Variants in SPATS2 observed in about 807,000 individuals in gnomAD.
The protein encoded by SPATS2 is spermatogenesis-associated serine-rich protein 2.
SPATS2 carries 38 observed loss-of-function variants against 63.7 expected under a neutral mutation model. That is an observed-to-expected ratio of 0.60 (90% CI 0.46 to 0.78). The LOEUF (loss-of-function observed/expected upper bound fraction) is 0.78, where lower values mean the gene tolerates loss of function less well. Ranked by LOEUF, SPATS2 falls within the 30% of genes least tolerant of loss-of-function variation. The pLI is 0.00. For missense variants in SPATS2, 588 were observed against 666.2 expected, an observed-to-expected ratio of 0.88 and a Z score of 1.29; for synonymous variants, 207 against 232.9, an observed-to-expected ratio of 0.89 and a Z score of 1.01.
At chr12:49,469,582 T>G in intron 3 of SPATS2, 1 of 275,870 alleles carries the variant, frequency 3.6e-6, no homozygotes, top group Non-Finnish European at 7.0e-6. Flanking sequence ...CAAAGTAAAA[T>G]AAAACTTTTC....
chr12:49,407,966 T>C (rs976586766), intron 2 of SPATS2, among the ~76,000 whole-genome samples: 3 of 152,250 alleles, frequency 2.0e-5, no homozygotes, highest in African/African-American at 7.2e-5. Context: ...TGACAGAGTT[T>C]GTGGACTCCT....
At position 49,500,474 on chromosome 12, in the gene SPATS2, C is replaced by G. The variant is rs536132464; in HGVS notation, c.839+269C>G. 3.4e-4 allele frequency among the ~76,000 whole-genome samples: 51 copies of G among 152,142 alleles called. No individual in the cohort carries two copies. The East Asian group carries it at 9.3e-3, about 28-fold the overall frequency. ...ACATAATTATAGAGTAGATCATATA[C>G]TTTAAAGTCTCCTTTTAGGCCGGTG... On this transcript the variant is annotated intron_variant, in intron 9 of 13. Coordinates refer to ENST00000552918, the MANE Select transcript of SPATS2 (RefSeq NM_023071.4).
Position 49,459,062 on chromosome 12 carries a change from A to G in SPATS2, c.-243-1708A>G, listed in dbSNP as rs1945771389. 2.0e-5 allele frequency among the ~76,000 whole-genome samples: 3 copies of G among 152,214 alleles called. No homozygotes were observed. In the South Asian group the frequency reaches 6.2e-4, roughly 32 times the overall value. ...CAGCTCATGCACCTAGGTCACAATAAGCGAATAGAATGTAGAGGAGGGGTC... is the reference window on the plus strand; with the variant it reads ...CAGCTCATGCACCTAGGTCACAATAGGCGAATAGAATGTAGAGGAGGGGTC... On this transcript the variant is annotated intron_variant, in intron 2 of 13. Transcript: ENST00000552918.
chr12:49,477,109 A>G (rs1274541875), intron 3 of SPATS2, among the ~76,000 whole-genome samples: 1 of 152,132 alleles, frequency 6.6e-6, no homozygotes, highest in Admixed American at 6.5e-5. Context: ...TCTTAAAAAA[A>G]AAAAAAAAAA....
chr12:49,435,514 C>G (rs561184148), intron 2 of SPATS2, among the ~76,000 whole-genome samples: 3 of 149,318 alleles, frequency 2.0e-5, no homozygotes, highest in African/African-American at 5.0e-5. Context: ...TTAGTAGGGA[C>G]GGGGTTTTGC....
chr12:49,446,922 C>A (rs1945521067), intron 2 of SPATS2, among the ~76,000 whole-genome samples: 1 of 148,576 alleles, frequency 6.7e-6, no homozygotes, highest in Non-Finnish European at 1.5e-5. Flanking sequence ...CTTCTATTTT[C>A]TTTTCTTTTC....
intron 11 of SPATS2, 32 bp downstream of exon 11, chr12:49,519,214 C>T: frequency 6.4e-7 from 1 of 1,565,638 alleles, no homozygotes; most frequent in Non-Finnish European, 8.8e-7. Context: ...TGCCTTTCTT[C>T]TTATCCTCAG....
At chr12:49,475,566 G>A (rs776431438) in intron 3 of SPATS2, among the ~76,000 whole-genome samples, 3 of 152,052 alleles carry the variant, frequency 2.0e-5, no homozygotes, top group Admixed American at 6.6e-5. Context: ...TCAGCCTCCC[G>A]AGTAGCTGGG....
intron 2 of SPATS2, among the ~76,000 whole-genome samples, chr12:49,452,857 T>C (rs1945647728): frequency 6.6e-6 from 1 of 152,058 alleles, no homozygotes; most frequent in Non-Finnish European, 1.5e-5. Context: ...TTTTTTTTAG[T>C]CCTTTAAAGA....
chr12:49,389,779 C>G, intron 2 of SPATS2: 1 of 1,225,828 alleles, frequency 8.2e-7, no homozygotes, highest in Non-Finnish European at 1.2e-6. Context: ...GAATTGCGTA[C>G]ATCCCTGGAA....
At chr12:49,384,106 T>A (rs1239375673) in intron 2 of SPATS2, among the ~76,000 whole-genome samples, 2 of 152,224 alleles carry the variant, frequency 1.3e-5, no homozygotes, top group African/African-American at 4.8e-5. Context: ...TAGACTTGAT[T>A]TGGATTCCTC....
At chr12:49,379,011 G>A (rs1313345035) in intron 2 of SPATS2, among the ~76,000 whole-genome samples, 3 of 151,392 alleles carry the variant, frequency 2.0e-5, no homozygotes, top group East Asian at 2.0e-4. Flanking sequence ...TCTGCCTCCC[G>A]GGTTCAAGTG....
intron 4 of SPATS2, chr12:49,486,352 C>G: frequency 3.0e-6 from 1 of 338,162 alleles, no homozygotes; most frequent in Non-Finnish European, 5.9e-6. Flanking sequence ...GATACAGGTG[C>G]GTGCCACCAT....
At chr12:49,397,897 C>A (rs1038916208) in intron 2 of SPATS2, among the ~76,000 whole-genome samples, 1 of 146,972 alleles carries the variant, frequency 6.8e-6, no homozygotes, top group East Asian at 2.0e-4. Context: ...CATCTGTAAT[C>A]CCAGCACTGT....
At chr12:49,511,353 G>T (rs1946751036) in intron 9 of SPATS2, among the ~76,000 whole-genome samples, 1 of 152,166 alleles carries the variant, frequency 6.6e-6, no homozygotes, top group Non-Finnish European at 1.5e-5. Flanking sequence ...CATGATTGAA[G>T]AAAGGATATG....
At chr12:49,487,786 G>A (rs1946319735) in intron 4 of SPATS2, among the ~76,000 whole-genome samples, 1 of 152,010 alleles carries the variant, frequency 6.6e-6, no homozygotes, top group Non-Finnish European at 1.5e-5. Context: ...GTAGAGACAA[G>A]GTCTCACTAT....
chr12:49,436,171 CG>C (rs1945281396), intron 2 of SPATS2, among the ~76,000 whole-genome samples: 1 of 151,102 alleles, frequency 6.6e-6, no homozygotes. Context: ...ACCTCCCAGA[CG>C]GGGTGGTGGC....
At chr12:49,522,933 A>G (rs1592485716) in intron 12 of SPATS2, 80 bp downstream of exon 12, 1 of 1,196,876 alleles carries the variant, frequency 8.4e-7, no homozygotes, top group East Asian at 2.4e-5. Flanking sequence ...TTCACCACTG[A>G]TTCCTCATTA....
intron 2 of SPATS2, among the ~76,000 whole-genome samples, chr12:49,375,200 G>A (rs922619841): frequency 2.5e-4 from 36 of 142,652 alleles, no homozygotes; most frequent in Non-Finnish European, 3.5e-4. Flanking sequence ...GTGTGTGGTG[G>A]TAGTGGTCTT....
Sources: gnomAD v4.1 joint callset for allele counts (sites outside exome capture counted in the v4.1 genomes callset) on GRCh38, gnomAD v4.1.1 for gene constraint, MANE v1.5 for transcripts, NCBI Gene and HGNC (gene_info 2026-07-23, HGNC 2026-07-21) for gene names.